ATRNL1: variants seen among roughly 807,000 people sequenced by gnomAD.
ATRNL1 encodes attractin like 1, also known as attractin-like protein 1.
A neutral mutation model predicts 182.7 loss-of-function variants in ATRNL1; 95 were observed. The observed-to-expected ratio is 0.52, with a 90% CI of 0.44 to 0.62. ATRNL1 has a LOEUF of 0.62. Ranked by LOEUF, ATRNL1 falls within the 20% of genes least tolerant of loss-of-function variation. The pLI, the probability that ATRNL1 is intolerant of heterozygous loss-of-function variation, is 0.00. For missense variants in ATRNL1, 1,471 were observed against 1,679.5 expected, an observed-to-expected ratio of 0.88 and a Z score of 2.17; for synonymous variants, 576 against 568.3, an observed-to-expected ratio of 1.01 and a Z score of -0.19.
intron 28 of ATRNL1, among the ~76,000 whole-genome samples, chr10:115,931,944 A>AC (rs554155961): frequency 2.6e-5 from 4 of 152,070 alleles, no homozygotes; most frequent in South Asian, 2.1e-4. Flanking sequence ...GGCAGTGTTT[A>AC]CCCCCCTGGA....
chr10:115,173,197 G>A (rs1369006672), intron 8 of ATRNL1, among the ~76,000 whole-genome samples: 2 of 151,958 alleles, frequency 1.3e-5, no homozygotes, highest in African/African-American at 4.8e-5. Flanking sequence ...ACAACGTTGA[G>A]GCAGATGTGT....
chr10:115,572,376 A>G (rs1854446771), intron 26 of ATRNL1, among the ~76,000 whole-genome samples: 1 of 151,986 alleles, frequency 6.6e-6, no homozygotes, highest in Non-Finnish European at 1.5e-5. Context: ...AAAATTTAGG[A>G]TTTGTTTTTG....
chr10:115,446,324 A>T (rs1295377721), intron 21 of ATRNL1, among the ~76,000 whole-genome samples: 1 of 151,760 alleles, frequency 6.6e-6, no homozygotes, highest in Non-Finnish European at 1.5e-5. Context: ...CTGTTTTCTG[A>T]TTCTCGTATT....
chr10:115,789,144 G>T (rs782760535), intron 27 of ATRNL1, among the ~76,000 whole-genome samples: 2 of 152,140 alleles, frequency 1.3e-5, no homozygotes, highest in Non-Finnish European at 2.9e-5. Context: ...AGCTTCCTGT[G>T]GTTAGCAGGT....
In ATRNL1 at chr10:115,351,742, G is replaced by GTTTTTTGTTT. The variant is rs1554941414; in HGVS notation, c.3175+17324_3175+17325insTTTTTGTTTT. Among the ~76,000 whole-genome samples the GTTTTTTGTTT allele has an allele frequency of 3.5e-3, 518 of 149,860 alleles. 3 individuals are homozygous for GTTTTTTGTTT. The highest frequency in any genetic ancestry group is 0.021 in the South Asian group (101 of 4,710). The stretch of plus-strand genomic sequence containing the variant: ...TATTGGCCTGTAGTTTTCTTTTCTT[G>GTTTTTTGTTT]TGTTTTGTTTTGTTTTGTTTTGTTT... On this transcript the variant is annotated intron_variant, in intron 19 of 28. Coordinates refer to ENST00000355044, the MANE Select transcript of ATRNL1 (RefSeq NM_207303.4).
intron 27 of ATRNL1, among the ~76,000 whole-genome samples, chr10:115,834,690 T>C (rs562348614): frequency 6.6e-6 from 1 of 152,294 alleles, no homozygotes; most frequent in African/African-American, 2.4e-5. Context: ...TGTTCTCCAA[T>C]GGGATGTCTA....
intron 28 of ATRNL1, among the ~76,000 whole-genome samples, chr10:115,862,005 G>A (rs1212286175): frequency 6.6e-6 from 1 of 152,102 alleles, no homozygotes; most frequent in Non-Finnish European, 1.5e-5. Context: ...CTTTAAGCAG[G>A]ATCAGAGCCC....
intron 26 of ATRNL1, among the ~76,000 whole-genome samples, chr10:115,712,776 G>A (rs56389241): frequency 0.01 from 1,571 of 151,802 alleles, 29 homozygotes; most frequent in African/African-American, 0.036. Context: ...GCTGAGGCAC[G>A]ATGATCGCTT....
chr10:115,362,206 ATATT>A (rs1242934596), intron 19 of ATRNL1, among the ~76,000 whole-genome samples: 10 of 152,094 alleles, frequency 6.6e-5, no homozygotes, highest in Admixed American at 3.3e-4. Context: ...TCAGCATTTC[ATATT>A]TATTTATATA....
chr10:115,812,775 C>G (rs538630105), intron 27 of ATRNL1, among the ~76,000 whole-genome samples: 31 of 152,100 alleles, frequency 2.0e-4, no homozygotes, highest in African/African-American at 7.2e-4. Flanking sequence ...CCGTGCCTGG[C>G]CTTTCCCCTT....
intron 28 of ATRNL1, among the ~76,000 whole-genome samples, chr10:115,857,826 ATTC>A (rs1555102479): frequency 2.0e-5 from 3 of 152,210 alleles, no homozygotes; most frequent in African/African-American, 7.2e-5. Context: ...ACAAATCAGG[ATTC>A]ATGGAAATGA....
intron 22 of ATRNL1, among the ~76,000 whole-genome samples, chr10:115,466,378 A>T (rs1255139990): frequency 1.3e-5 from 2 of 151,214 alleles, no homozygotes; most frequent in African/African-American, 2.4e-5. Context: ...AGCATAATAC[A>T]CTCAGTATCT....
At chr10:115,392,878 T>C (rs1554954666) in intron 19 of ATRNL1, among the ~76,000 whole-genome samples, 1 of 152,184 alleles carries the variant, frequency 6.6e-6, no homozygotes, top group African/African-American at 2.4e-5. Flanking sequence ...GGAAGAAACA[T>C]ACTTTCTTTT....
At chr10:115,473,617 T>A (rs1848404894) in intron 24 of ATRNL1, among the ~76,000 whole-genome samples, 1 of 151,342 alleles carries the variant, frequency 6.6e-6, no homozygotes, top group African/African-American at 2.4e-5. Context: ...TTCACTCTAC[T>A]TCATCTTTTT....
At chr10:115,738,629 G>A (rs1555066824) in intron 27 of ATRNL1, among the ~76,000 whole-genome samples, 2 of 152,014 alleles carry the variant, frequency 1.3e-5, no homozygotes, top group South Asian at 2.1e-4. Flanking sequence ...TGGAAAAAAT[G>A]TTTTGGAAAT....
chr10:115,756,787 G>C (rs1179915230), intron 27 of ATRNL1, among the ~76,000 whole-genome samples: 2 of 152,092 alleles, frequency 1.3e-5, no homozygotes, highest in African/African-American at 4.8e-5. Context: ...CTATTATTGT[G>C]TGGGAGTCTA....
At chr10:115,342,970 A>C (rs150953267) in intron 19 of ATRNL1, among the ~76,000 whole-genome samples, 1 of 152,270 alleles carries the variant, frequency 6.6e-6, no homozygotes, top group African/African-American at 2.4e-5. Flanking sequence ...GTTTCCACTG[A>C]ACAGTCTGCC....
rs143885837 is a variant in ATRNL1 at position 115,544,498 on chromosome 10, C to T, written c.3717-4960C>T. Among the ~76,000 whole-genome samples the T allele has an allele frequency of 6.3e-4, 96 of 152,174 alleles. 1 individual carries two copies. In the East Asian group the frequency reaches 0.014, roughly 22 times the overall value. On this transcript the variant is annotated intron_variant, in intron 25 of 28. Transcript: ENST00000355044. ...ATCATGGTAGAAGGTGAAGGGGGGG[C>T]AGGCTTGTCACATGGCGAAAGCAGG...
chr10:115,533,698 G>C (rs1310671941), intron 25 of ATRNL1, among the ~76,000 whole-genome samples: 19 of 149,252 alleles, frequency 1.3e-4, no homozygotes, highest in East Asian at 7.9e-4. Flanking sequence ...GTGATGTTAG[G>C]GTGTCAATTT....
Sources: gnomAD v4.1 joint callset for allele counts (sites outside exome capture counted in the v4.1 genomes callset) on GRCh38, gnomAD v4.1.1 for gene constraint, MANE v1.5 for transcripts, NCBI Gene and HGNC (gene_info 2026-07-23, HGNC 2026-07-21) for gene names.